The following PDGFA variants were observed in gnomAD, a reference collection of about 807,000 sequenced individuals.
The protein encoded by PDGFA is platelet-derived growth factor subunit A.
A neutral mutation model predicts 25.6 loss-of-function variants in PDGFA; 9 were observed. The observed-to-expected ratio is 0.35, with a 90% CI of 0.21 to 0.61. PDGFA has a LOEUF of 0.61. Ranked by LOEUF, PDGFA falls within the 20% of genes least tolerant of loss-of-function variation. The pLI is 0.75. For synonymous variants in PDGFA, 133 were observed against 111.8 expected, an observed-to-expected ratio of 1.19 and a Z score of -1.20; for missense variants, 242 against 272.8, an observed-to-expected ratio of 0.89 and a Z score of 0.79.
chr7:505,254 A>T (rs1355944224), intron 4 of PDGFA, among the ~76,000 whole-genome samples: 1 of 152,118 alleles, frequency 6.6e-6, no homozygotes, highest in Non-Finnish European at 1.5e-5. Flanking sequence ...AGCCCAAGTG[A>T]TGGGGGGGGT....
intron 5 of PDGFA, 38 bp downstream of exon 5, chr7:501,078 G>A: frequency 3.7e-6 from 6 of 1,614,080 alleles, no homozygotes; most frequent in Non-Finnish European, 4.2e-6. Context: ...CTGAAGACCT[G>A]TTCTCCAACA....
In PDGFA at chr7:503,166, T is replaced by C. The variant is rs556504105; in HGVS notation, c.454-1924A>G. Among the ~76,000 whole-genome samples, 9 of 152,282 alleles carry C rather than the reference T, an allele frequency of 5.9e-5. No individual in the cohort carries two copies. In the East Asian group the frequency reaches 1.7e-3, roughly 29 times the overall value. On this transcript the variant is annotated intron_variant, in intron 4 of 5. Transcript: ENST00000402802. ...GGCGCAGGCAAGCTCTAACTAAGCC[T>C]GTCCCTAATTGCTAGGCTGTCCCAC...
intron 5 of PDGFA, among the ~76,000 whole-genome samples, chr7:499,339 C>G (rs1235781276): frequency 4.6e-5 from 7 of 152,362 alleles, no homozygotes; most frequent in Non-Finnish European, 8.8e-5. Context: ...ATGAATGGAC[C>G]TCACCCGCAG....
In PDGFA at chr7:500,337, A is replaced by C; in HGVS notation, c.580+779T>G. The C allele has an allele frequency of 7.2e-7, 1 of 1,392,358 alleles. No homozygotes were observed. The highest frequency in any genetic ancestry group is 1.0e-6 in the Non-Finnish European group (1 of 985,962). The allele number at this position is 1,392,358 out of a possible 1,614,324, so 86.3% of individuals were successfully genotyped here. On this transcript the variant is annotated intron_variant, in intron 5 of 5. Transcript: ENST00000402802. The surrounding 1 kb of genome is among the most constrained non-coding windows in gnomAD (Gnocchi z 5.0). Reference sequence around the variant, plus strand: ...CCAATCAGGGCCACATCCCCGCCGCACCCGGCGAGACAGGAAGCGTGATTT... The same window carrying C: ...CCAATCAGGGCCACATCCCCGCCGCCCCCGGCGAGACAGGAAGCGTGATTT...
At chr7:513,460 T>G (rs1326183485) in intron 2 of PDGFA, 4 of 152,104 alleles carry the variant, frequency 2.6e-5, no homozygotes, top group Non-Finnish European at 5.9e-5. Context: ...GCTCTGGGCC[T>G]CCTTGCCTTG....
At chr7:513,820 G>C (rs985199657) in intron 2 of PDGFA, among the ~76,000 whole-genome samples, 7 of 152,186 alleles carry the variant, frequency 4.6e-5, no homozygotes, top group Admixed American at 1.3e-4. Flanking sequence ...CCTCACAGAA[G>C]GTGTCAGGCA....
intron 2 of PDGFA, among the ~76,000 whole-genome samples, chr7:516,047 C>CA (rs1324188998): frequency 4.4e-5 from 3 of 68,174 alleles, no homozygotes; most frequent in Non-Finnish European, 6.4e-5. Flanking sequence ...GCAGCCCCCC[C>CA]CCCCCACTTT....
At position 501,329 on chromosome 7, in the gene PDGFA, G is replaced by C; in HGVS notation, c.454-87C>G. The C allele has an allele frequency of 3.2e-6, 5 of 1,550,366 alleles. No homozygotes were observed. In the South Asian group the frequency reaches 5.6e-5, roughly 17 times the overall value. Reference sequence around the variant, plus strand: ...GCTGGGAGCCGGGGACAGGCTGAGAGGGAGGAGAGAGCAGCCTGACCCCTG... The same window carrying C: ...GCTGGGAGCCGGGGACAGGCTGAGACGGAGGAGAGAGCAGCCTGACCCCTG... On this transcript the variant is annotated intron_variant, in intron 4 of 5. Coordinates refer to ENST00000402802, the Ensembl canonical transcript of PDGFA.
chr7:514,638 G>A (rs1783006341), intron 2 of PDGFA, among the ~76,000 whole-genome samples: 1 of 152,220 alleles, frequency 6.6e-6, no homozygotes. Flanking sequence ...AGGACAGGGA[G>A]AATCTCCCAA....
At chr7:508,034 C>A (rs541143184) in intron 4 of PDGFA, among the ~76,000 whole-genome samples, 161 of 152,224 alleles carry the variant, frequency 1.1e-3, no homozygotes, top group African/African-American at 3.8e-3. Context: ...TTACTCAATA[C>A]CCAGCACCTC....
At chr7:512,977 C>T in intron 2 of PDGFA, 1 of 219,616 alleles carries the variant, frequency 4.6e-6, no homozygotes, top group Admixed American at 5.1e-5. Context: ...TAAAGCACTC[C>T]TGGAAGAAGT....
rs553563834 is a variant in PDGFA at position 498,184 on chromosome 7, G to T, written c.*380C>A. ...GCATCCTCGGCAAAAAAGCACCTGTGACCACCCGGACAGAAATCCAGTCTG... is the reference window on the plus strand; with the variant it reads ...GCATCCTCGGCAAAAAAGCACCTGTTACCACCCGGACAGAAATCCAGTCTG... On this transcript the variant is annotated 3_prime_UTR_variant, in exon 6 of 6. Coordinates refer to ENST00000402802, the Ensembl canonical transcript of PDGFA. 15 of 233,446 alleles carry T rather than the reference G, an allele frequency of 6.4e-5. No homozygotes were observed. In the East Asian group the frequency reaches 1.0e-3, roughly 16 times the overall value. 14.5% of individuals were successfully genotyped at this position (233,446 alleles called of 1,614,324 possible).
chr7:502,023 A>C (rs966958089), intron 4 of PDGFA, among the ~76,000 whole-genome samples: 4 of 152,252 alleles, frequency 2.6e-5, no homozygotes, highest in Admixed American at 2.6e-4. Context: ...CCAGGGGTTC[A>C]AGACCAGCCT....
chr7:511,913 G>A (rs892870297), intron 3 of PDGFA, among the ~76,000 whole-genome samples: 46 of 152,192 alleles, frequency 3.0e-4, no homozygotes, highest in African/African-American at 2.7e-4. Flanking sequence ...GGGGGCAGCC[G>A]CCGGACACAG....
upstream of PDGFA, chr7:520,086 G>A (rs1156337164): frequency 2.5e-6 from 1 of 395,730 alleles, no homozygotes; most frequent in Non-Finnish European, 5.0e-6. Flanking sequence ...CCGCGCCGGG[G>A]CTCCGCGCCC....
chr7:515,803 G>A (rs772904474), intron 2 of PDGFA, among the ~76,000 whole-genome samples: 4 of 151,934 alleles, frequency 2.6e-5, no homozygotes, highest in African/African-American at 4.8e-5. Context: ...AGAAGCCCCC[G>A]GGTGAGGAAT....
At chr7:497,883 A>AAAAAAC (rs1371420674) in exon 6 of PDGFA, 1 of 142,234 alleles carries the variant, frequency 7.0e-6, no homozygotes, top group Non-Finnish European at 1.5e-5. Flanking sequence ...AAAAAAAAAA[A>AAAAAAC]AAAAAAAAAG....
In PDGFA at chr7:510,372, C is replaced by T. The variant is rs1199671281; in HGVS notation, c.453+437G>A. ...CACCTTGTGGCCTCCCAGGAGGGAC[C>T]CTGGCAACCCAGTAGGGGCGACCCT... On this transcript the variant is annotated intron_variant, in intron 4 of 5. Coordinates refer to ENST00000402802, the Ensembl canonical transcript of PDGFA. 2.0e-5 allele frequency among the ~76,000 whole-genome samples: 3 copies of T among 151,882 alleles called. 1 individual carries two copies. Among genetic ancestry groups the T allele is most frequent in the African/African-American group, 7.3e-5 (3 of 41,354 alleles).
Position 517,736 on chromosome 7 carries a change from C to CA in PDGFA, c.64-247_64-246insT, listed in dbSNP as rs1407042553. Among the ~76,000 whole-genome samples the CA allele has an allele frequency of 6.6e-6, 1 of 151,672 alleles. No individual in the cohort carries two copies. The highest frequency in any genetic ancestry group is 1.5e-5 in the Non-Finnish European group (1 of 67,868). On this transcript the variant is annotated intron_variant, in intron 1 of 5. Coordinates refer to ENST00000402802, the Ensembl canonical transcript of PDGFA. This position sits in a 1 kb window ranked among gnomAD's most constrained non-coding sequence, Gnocchi z 7.4. Reference sequence around the variant, plus strand: ...GCCCTTTGCAAAATCAAAGCCCCCCCCCCTTTATATTTTCAGACAAAAGCC... The same window carrying CA: ...GCCCTTTGCAAAATCAAAGCCCCCCCACCCTTTATATTTTCAGACAAAAGCC...
Sources: allele counts gnomAD v4.1 joint callset (sites outside exome capture counted in the v4.1 genomes callset), GRCh38; gene constraint gnomAD v4.1.1; non-coding constraint Gnocchi (gnomAD v3.1); transcripts MANE v1.5; gene names NCBI Gene and HGNC (gene_info 2026-07-23, HGNC 2026-07-21).